The following AMBRA1 variants were observed in gnomAD, a reference collection of about 807,000 sequenced individuals.
AMBRA1 encodes activating molecule in BECN1-regulated autophagy protein 1.
A neutral mutation model predicts 125.4 loss-of-function variants in AMBRA1; 47 were observed. The observed-to-expected ratio is 0.37, with a 90% CI of 0.30 to 0.48. The LOEUF is 0.48. AMBRA1 is among the 20% of genes least tolerant of loss of function. The probability of loss-of-function intolerance (pLI) is 0.99; values close to 1 mark genes in which losing one functional copy is unlikely to be tolerated. For missense variants in AMBRA1, 1,331 were observed against 1,693.4 expected (o/e 0.79, Z 3.76); for synonymous variants, 626 against 655.5 (o/e 0.95, Z 0.69).
chr11:46,440,894 T>C (rs536655403), intron 12 of AMBRA1, among the ~76,000 whole-genome samples: 2 of 152,314 alleles, frequency 1.3e-5, no homozygotes, highest in East Asian at 1.9e-4. Context: ...CAAAGTCTTA[T>C]AATATCATAC....
At chr11:46,424,608 T>C (rs1461634176) in intron 14 of AMBRA1, among the ~76,000 whole-genome samples, 1 of 151,432 alleles carries the variant, frequency 6.6e-6, no homozygotes, top group South Asian at 2.1e-4. Context: ...GCACTTTGGG[T>C]GGCCGAGATA....
At chr11:46,428,592 CT>C in intron 14 of AMBRA1, 1 of 955,714 alleles carries the variant, frequency 1.0e-6, no homozygotes, top group African/African-American at 1.7e-5. Context: ...TCTTCTTCTT[CT>C]TTTTTTTTTA....
chr11:46,515,436 G>A (rs1421613760), intron 7 of AMBRA1, among the ~76,000 whole-genome samples: 1 of 152,070 alleles, frequency 6.6e-6, no homozygotes, highest in Non-Finnish European at 1.5e-5. Context: ...TCGCACTACT[G>A]CACTCCAGAC....
chr11:46,518,146 A>G (rs1238648239), intron 7 of AMBRA1: 2 of 983,998 alleles, frequency 2.0e-6, no homozygotes, highest in East Asian at 2.3e-4. Flanking sequence ...AGAATTACTC[A>G]CGGCCAGGCG....
chr11:46,542,964 G>T lies in AMBRA1; in HGVS notation c.1053C>A (p.Pro351=). Reference sequence around the variant, plus strand: ...GCTGCGTTGACGAGGCCTGCTCCGGGGGATGGAAGGGCTCGGTCTGTACAA... The same window carrying T: ...GCTGCGTTGACGAGGCCTGCTCCGGTGGATGGAAGGGCTCGGTCTGTACAA... ...FSFVQTEPFH[P]PEQASSTQQD... is the part of the protein sequence containing the mutation. Residue 351 remains proline, a synonymous_variant, in exon 7 of 18, where the codon CCC becomes CCA. Coordinates refer to ENST00000683756, the MANE Select transcript of AMBRA1 (RefSeq NM_001387011.1). This position sits in a 1 kb window ranked among gnomAD's most constrained non-coding sequence, Gnocchi z 5.9. 1.2e-6 allele frequency: 2 copies of T among 1,605,582 alleles called. No individual in the cohort carries two copies. The highest frequency in any genetic ancestry group is 8.5e-7 in the Non-Finnish European group (1 of 1,179,990).
intron 17 of AMBRA1, among the ~76,000 whole-genome samples, chr11:46,399,872 G>A (rs1363024996): frequency 1.3e-5 from 2 of 152,166 alleles, no homozygotes; most frequent in Non-Finnish European, 2.9e-5. Context: ...TCCCTCTGCA[G>A]AAATGCCTGA....
At chr11:46,527,895 T>C (rs1246269763) in intron 7 of AMBRA1, among the ~76,000 whole-genome samples, 1 of 152,194 alleles carries the variant, frequency 6.6e-6, no homozygotes, top group East Asian at 1.9e-4. Flanking sequence ...GAAAACAGTA[T>C]GGAGGTTCCT....
At chr11:46,587,287 C>T (rs914189596) in intron 1 of AMBRA1, among the ~76,000 whole-genome samples, 5 of 151,902 alleles carry the variant, frequency 3.3e-5, no homozygotes, top group African/African-American at 4.8e-5. Context: ...GGCTGAGGCA[C>T]GAGAATCGCT....
intron 14 of AMBRA1, among the ~76,000 whole-genome samples, chr11:46,420,022 T>A (rs1305571001): frequency 1.4e-3 from 3 of 2,106 alleles, no homozygotes; most frequent in Non-Finnish European, 5.5e-3. Flanking sequence ...ACACACACAC[T>A]CTTCCAGGTG....
Position 46,397,749 on chromosome 11 carries a change from C to A in AMBRA1, c.3598G>T (p.Ala1200Ser), listed in dbSNP as rs770151053. ...GGCTGGGGTGAGGAGGTGTGGGCGGCACCAGGTTCAGTGCCCGTCTGAGAG... is the reference window on the plus strand; with the variant it reads ...GGCTGGGGTGAGGAGGTGTGGGCGGAACCAGGTTCAGTGCCCGTCTGAGAG... Reference protein sequence around the residue: ...RSSQTGTEPGAAHTSSPQPST... With the variant: ...RSSQTGTEPGSAHTSSPQPST... The change falls in exon 18 of 18, where the codon GCC (alanine) becomes TCC (serine). Residue 1200 changes from alanine (A) to serine (S), a missense_variant. Coordinates refer to ENST00000683756, the MANE Select transcript of AMBRA1 (RefSeq NM_001387011.1). The A allele has an allele frequency of 6.2e-7, 1 of 1,612,692 alleles. No individual in the cohort carries two copies. The highest frequency in any genetic ancestry group is 8.5e-7 in the Non-Finnish European group (1 of 1,180,000).
intron 11 of AMBRA1, among the ~76,000 whole-genome samples, chr11:46,462,155 T>C (rs796708218): frequency 3.9e-5 from 6 of 152,340 alleles, no homozygotes; most frequent in African/African-American, 1.4e-4. Flanking sequence ...CAGAGCTGCA[T>C]GCATCTCCCA....
At chr11:46,535,823 T>C (rs1952449765) in intron 7 of AMBRA1, among the ~76,000 whole-genome samples, 2 of 152,086 alleles carry the variant, frequency 1.3e-5, no homozygotes, top group African/African-American at 2.4e-5. Context: ...ATGCCAGTGC[T>C]CTCGAGGAAG....
In AMBRA1 at chr11:46,547,175, T is replaced by C. The variant is rs2042851638; in HGVS notation, c.316A>G (p.Thr106Ala). The C allele has an allele frequency of 6.2e-7, 1 of 1,613,924 alleles. No homozygotes were observed. Among genetic ancestry groups the C allele is most frequent in the South Asian group, 1.1e-5 (1 of 91,072 alleles). The change falls in exon 4 of 18, where the codon ACC becomes GCC. Residue 106 changes from threonine (T) to alanine (A), a missense_variant. Thr to Ala is a moderately conservative substitution (Grantham distance 58). Around this residue, in one of 4 missense-constraint regions of AMBRA1, gnomAD observed 144 missense variants for 250.4 expected, o/e 0.58. Coordinates refer to ENST00000683756, the MANE Select transcript of AMBRA1 (RefSeq NM_001387011.1). ...CCAGAAGCAATAAGGCCTGAGATGG[T>C]GGGATGAAAAGTGACACACCATGGA... ...RTPWCVTFHPTISGLIASGCL... is the reference protein window; with the variant it reads ...RTPWCVTFHPAISGLIASGCL...
intron 1 of AMBRA1, among the ~76,000 whole-genome samples, chr11:46,579,538 T>C (rs1223337398): frequency 6.6e-6 from 1 of 152,132 alleles, no homozygotes; most frequent in Admixed American, 6.6e-5. Context: ...CAGAGAATCA[T>C]TACTCTCACC....
chr11:46,450,508 C>T (rs529662879), intron 11 of AMBRA1, among the ~76,000 whole-genome samples: 3 of 152,002 alleles, frequency 2.0e-5, no homozygotes, highest in African/African-American at 4.8e-5. Context: ...GGTGCAATCA[C>T]GGCTCACGGA....
chr11:46,468,192 A>C (rs1949411733), intron 11 of AMBRA1, among the ~76,000 whole-genome samples: 1 of 152,104 alleles, frequency 6.6e-6, no homozygotes, highest in African/African-American at 2.4e-5. Context: ...ATGATAAAGA[A>C]TATGCAGCAA....
At chr11:46,514,668 T>C (rs1441611884) in intron 7 of AMBRA1, among the ~76,000 whole-genome samples, 1 of 151,324 alleles carries the variant, frequency 6.6e-6, no homozygotes, top group African/African-American at 2.4e-5. Context: ...AGAGACAGAG[T>C]CTGGCTATGT....
chr11:46,471,959 C>T (rs1949616833), intron 11 of AMBRA1, among the ~76,000 whole-genome samples: 1 of 152,074 alleles, frequency 6.6e-6, no homozygotes, highest in South Asian at 2.1e-4. Flanking sequence ...TTTGTTGCCT[C>T]GTTTCACATC....
At chr11:46,422,168 C>T (rs1590761562) in intron 14 of AMBRA1, among the ~76,000 whole-genome samples, 1 of 152,168 alleles carries the variant, frequency 6.6e-6, no homozygotes, top group African/African-American at 2.4e-5. Context: ...GAATACAAAA[C>T]CCAGCTGCTG....
Sources: allele counts gnomAD v4.1 joint callset (sites outside exome capture counted in the v4.1 genomes callset), GRCh38; gene constraint gnomAD v4.1.1; regional missense constraint gnomAD v4.1.1; non-coding constraint Gnocchi (gnomAD v3.1); transcripts MANE v1.5; gene names NCBI Gene and HGNC (gene_info 2026-07-23, HGNC 2026-07-21).